Variants in CNTNAP2 observed in about 807,000 individuals in gnomAD.
CNTNAP2 encodes the protein contactin associated protein 2.
CNTNAP2 carries 98 observed loss-of-function variants against 155.2 expected under a neutral mutation model. The ratio of observed to expected loss-of-function variants is 0.63; its 90% CI spans 0.54 to 0.75. CNTNAP2 has a LOEUF of 0.75. CNTNAP2 is among the 30% of genes least tolerant of loss of function. The pLI, the probability that CNTNAP2 is intolerant of heterozygous loss-of-function variation, is 0.00. For missense variants in CNTNAP2, 1,727 were observed against 1,688.1 expected, an observed-to-expected ratio of 1.02 and a Z score of -0.40; for synonymous variants, 651 against 631.2, an observed-to-expected ratio of 1.03 and a Z score of -0.47.
chr7:148,306,524 A>C lies in CNTNAP2; in HGVS notation c.3475+39398A>C, dbSNP rs368912101. 2.6e-5 allele frequency among the ~76,000 whole-genome samples: 4 copies of C among 152,108 alleles called. No homozygotes were observed. The East Asian group carries it at 7.7e-4, about 29-fold the overall frequency. On this transcript the variant is annotated intron_variant, in intron 21 of 23. Transcript: ENST00000361727. ...CTGTTGTTTCCCCTATTCTCTGAAC[A>C]ATGTTCTCAAATTTACATTTCATAA...
intron 9 of CNTNAP2, among the ~76,000 whole-genome samples, chr7:147,341,963 T>G (rs1795772345): frequency 6.6e-6 from 1 of 152,208 alleles, no homozygotes; most frequent in Non-Finnish European, 1.5e-5. Flanking sequence ...AAACATTTAT[T>G]TCTCACAGTT....
At chr7:146,569,441 C>G (rs1798408295) in intron 1 of CNTNAP2, among the ~76,000 whole-genome samples, 1 of 152,192 alleles carries the variant, frequency 6.6e-6, no homozygotes, top group African/African-American at 2.4e-5. Context: ...CAAACTTTAT[C>G]TTGAGTGAAA....
At chr7:147,970,140 A>G (rs12532103) in intron 14 of CNTNAP2, among the ~76,000 whole-genome samples, 20,310 of 151,632 alleles carry the variant, frequency 0.13, 2,221 homozygotes, top group African/African-American at 0.31. Context: ...ATTTTGCCCA[A>G]GATAGTCTTG....
chr7:147,601,240 G>T (rs1225091574), intron 12 of CNTNAP2, among the ~76,000 whole-genome samples: 1 of 152,114 alleles, frequency 6.6e-6, no homozygotes, highest in African/African-American at 2.4e-5. Flanking sequence ...AACAGGCTTT[G>T]TGTGAGCAGC....
At chr7:146,434,332 G>A (rs1272140518) in intron 1 of CNTNAP2, among the ~76,000 whole-genome samples, 2 of 152,114 alleles carry the variant, frequency 1.3e-5, no homozygotes, top group Non-Finnish European at 2.9e-5. Context: ...ATTTATAAGC[G>A]TGGCTAAAGC....
At chr7:146,414,291 G>A (rs1376122993) in intron 1 of CNTNAP2, among the ~76,000 whole-genome samples, 1 of 152,196 alleles carries the variant, frequency 6.6e-6, no homozygotes, top group Non-Finnish European at 1.5e-5. Context: ...CGATTTTGCT[G>A]ATCAAATCGA....
At chr7:147,143,096 C>T (rs6950449) in intron 8 of CNTNAP2, among the ~76,000 whole-genome samples, 1 of 152,180 alleles carries the variant, frequency 6.6e-6, no homozygotes, top group Non-Finnish European at 1.5e-5. Flanking sequence ...CCTAACGCCA[C>T]TCATGTGTCA....
intron 1 of CNTNAP2, among the ~76,000 whole-genome samples, chr7:146,470,134 C>A (rs556489931): frequency 6.6e-6 from 1 of 152,088 alleles, no homozygotes; most frequent in Non-Finnish European, 1.5e-5. Context: ...CCACTGCGCG[C>A]GGCCTTAATT....
At chr7:147,404,688 T>C (rs1165490048) in intron 10 of CNTNAP2, among the ~76,000 whole-genome samples, 1 of 152,196 alleles carries the variant, frequency 6.6e-6, no homozygotes, top group East Asian at 1.9e-4. Context: ...ATTTGATCTT[T>C]AGCTTCCTTT....
chr7:146,649,000 A>C lies in CNTNAP2; in HGVS notation c.98-125271A>C, dbSNP rs1006228147. Among the ~76,000 whole-genome samples the C allele has an allele frequency of 2.6e-5, 4 of 152,204 alleles. No individual in the cohort carries two copies. The South Asian group carries it at 8.3e-4, about 32-fold the overall frequency. ...AGTAGACAGAAGAAGACAGAAAAAA[A>C]TTTTAAAAAGCAATTCAGAATGTCA... is the stretch of plus-strand genomic sequence containing the variant. On this transcript the variant is annotated intron_variant, in intron 1 of 23. Transcript: ENST00000361727.
chr7:146,972,389 A>C (rs1170508654), intron 3 of CNTNAP2, among the ~76,000 whole-genome samples: 1 of 152,172 alleles, frequency 6.6e-6, no homozygotes, highest in Admixed American at 6.5e-5. Context: ...AAAATGCACA[A>C]ATTTTTAAAT....
At chr7:146,545,087 A>G (rs980943083) in intron 1 of CNTNAP2, among the ~76,000 whole-genome samples, 5 of 151,932 alleles carry the variant, frequency 3.3e-5, no homozygotes, top group Non-Finnish European at 5.9e-5. Flanking sequence ...ATAGTCACAG[A>G]GAAGCTCAGG....
At chr7:147,274,489 T>G (rs1356344977) in intron 8 of CNTNAP2, among the ~76,000 whole-genome samples, 1 of 152,174 alleles carries the variant, frequency 6.6e-6, no homozygotes, top group Non-Finnish European at 1.5e-5. Context: ...TCTGTTCATG[T>G]CCTTTGCCCA....
At chr7:148,406,101 GGGCGCCTGTAGTCCCA>G (rs1266453657) in intron 22 of CNTNAP2, among the ~76,000 whole-genome samples, 1 of 151,670 alleles carries the variant, frequency 6.6e-6, no homozygotes, top group African/African-American at 2.4e-5. Context: ...GCATGTTGGC[GGGCGCCTGTAGTCCCA>G]GCTACTCGGG....
At chr7:147,334,153 A>C (rs1563164709) in intron 9 of CNTNAP2, among the ~76,000 whole-genome samples, 1 of 152,184 alleles carries the variant, frequency 6.6e-6, no homozygotes, top group Non-Finnish European at 1.5e-5. Context: ...CTAATGTCTT[A>C]ATCCAACACT....
chr7:146,732,613 C>G (rs1276265394), intron 1 of CNTNAP2, among the ~76,000 whole-genome samples: 2 of 152,178 alleles, frequency 1.3e-5, no homozygotes, highest in East Asian at 3.9e-4. Flanking sequence ...AGATTTTGAA[C>G]CATTCTTTAA....
chr7:147,003,892 C>A (rs1052257833), intron 3 of CNTNAP2, among the ~76,000 whole-genome samples: 5 of 151,842 alleles, frequency 3.3e-5, no homozygotes, highest in Non-Finnish European at 5.9e-5. Flanking sequence ...ATTATCCAGG[C>A]ATGATGGTGC....
At chr7:146,964,291 T>A (rs1466526002) in intron 3 of CNTNAP2, among the ~76,000 whole-genome samples, 1 of 152,234 alleles carries the variant, frequency 6.6e-6, no homozygotes, top group Admixed American at 6.5e-5. Flanking sequence ...AAATTTCTAA[T>A]CATTGTCACT....
chr7:147,475,760 C>T (rs13241796), intron 10 of CNTNAP2, among the ~76,000 whole-genome samples: 27,026 of 152,026 alleles, frequency 0.18, 3,049 homozygotes, highest in Non-Finnish European at 0.25. Context: ...TTTATTGCCA[C>T]ATACGTTTAA....
Sources: gnomAD v4.1 joint callset for allele counts (sites outside exome capture counted in the v4.1 genomes callset) on GRCh38, gnomAD v4.1.1 for gene constraint, MANE v1.5 for transcripts, NCBI Gene and HGNC (gene_info 2026-07-23, HGNC 2026-07-21) for gene names.